The following PCDHGB1 variants were observed in gnomAD, a reference collection of about 807,000 sequenced individuals.
PCDHGB1 encodes protocadherin gamma subfamily B, 1, also known as protocadherin gamma-B1.
A neutral mutation model predicts 56.6 loss-of-function variants in PCDHGB1; 34 were observed. The observed-to-expected ratio is 0.60, with a 90% CI of 0.46 to 0.80. The LOEUF (loss-of-function observed/expected upper bound fraction) is 0.80, where lower values mean the gene tolerates loss of function less well. Among genes scored for constraint, PCDHGB1 ranks in the 30% least tolerant of loss-of-function variants. The pLI is 0.00. For synonymous variants in PCDHGB1, 561 were observed against 505.9 expected, an observed-to-expected ratio of 1.11 and a Z score of -1.46; for missense variants, 1,278 against 1,204.6, an observed-to-expected ratio of 1.06 and a Z score of -0.90.
At chr5:141,368,563 T>C (rs1228765550) in intron 1 of PCDHGB1, among the ~76,000 whole-genome samples, 1 of 152,184 alleles carries the variant, frequency 6.6e-6, no homozygotes, top group Non-Finnish European at 1.5e-5. Context: ...GAAAATGTTA[T>C]ATGCTTCTTA....
intron 1 of PCDHGB1, among the ~76,000 whole-genome samples, chr5:141,443,560 G>A (rs2098394386): frequency 6.6e-6 from 1 of 152,162 alleles, no homozygotes; most frequent in Non-Finnish European, 1.5e-5. Context: ...CAATTCAAAT[G>A]CTTTAAATGG....
chr5:141,395,589 T>C (rs1254958503), intron 1 of PCDHGB1: 2 of 194,644 alleles, frequency 1.0e-5, no homozygotes, highest in Admixed American at 1.2e-4. Context: ...TGTGTGTGTG[T>C]GTATCCCAAA....
intron 1 of PCDHGB1, chr5:141,355,856 A>G: frequency 2.5e-6 from 4 of 1,612,380 alleles, no homozygotes; most frequent in Non-Finnish European, 2.5e-6. Flanking sequence ...GATGGAGGTG[A>G]CCCGGTTCGC....
At chr5:141,420,634 G>A (rs891111955) in intron 1 of PCDHGB1, among the ~76,000 whole-genome samples, 2 of 152,080 alleles carry the variant, frequency 1.3e-5, no homozygotes, top group African/African-American at 4.8e-5. Context: ...CTCAATAAAG[G>A]AACCTTGTAA....
chr5:141,487,004 C>G lies in PCDHGB1; in HGVS notation c.2410-7803C>G. 1 of 1,614,224 alleles carries G rather than the reference C, an allele frequency of 6.2e-7. No homozygotes were observed. The highest frequency in any genetic ancestry group is 1.1e-5 in the South Asian group (1 of 91,086). On this transcript the variant is annotated intron_variant, in intron 1 of 3. Transcript: ENST00000523390. This position sits in a 1 kb window ranked among gnomAD's most constrained non-coding sequence, Gnocchi z 5.0. ...CAATGCTTGGGTTTCCTATCAGCTC[C>G]TGGAGGCCCCAGATCCCAGCCTGTT...
chr5:141,408,082 G>A, intron 1 of PCDHGB1: 1 of 1,417,366 alleles, frequency 7.1e-7, no homozygotes, highest in Non-Finnish European at 9.3e-7. Context: ...TCCCAGCACA[G>A]CGGATTGCCA....
intron 1 of PCDHGB1, chr5:141,389,438 C>T (rs781427097): frequency 6.2e-7 from 1 of 1,610,592 alleles, no homozygotes; most frequent in South Asian, 1.1e-5. Flanking sequence ...AGCGCGCCTT[C>T]GACCACGAGC....
intron 1 of PCDHGB1, chr5:141,408,641 T>G: frequency 6.2e-7 from 1 of 1,614,034 alleles, no homozygotes; most frequent in Non-Finnish European, 8.5e-7. Context: ...CGAATCTGCA[T>G]CCGCTGGTAC....
chr5:141,352,144 G>A lies in PCDHGB1; in HGVS notation c.1884G>A (p.Leu628=). 1 of 1,612,258 alleles carries A rather than the reference G, an allele frequency of 6.2e-7. No individual in the cohort carries two copies. Among genetic ancestry groups the A allele is most frequent in the East Asian group, 2.2e-5 (1 of 44,852 alleles). The part of the protein sequence containing the change: ...RTGEVRTARA[L]GDRDAARQRL... ...GTGAGGTGCGCACAGCGCGTGCCTT[G>A]GGCGACAGGGACGCGGCCCGCCAGC... The change falls in exon 1 of 4, where the codon TTG becomes TTA. Residue 628 remains leucine, a synonymous_variant. Transcript: ENST00000523390.
Position 141,491,755 on chromosome 5 carries a change from G to T in PCDHGB1, c.2410-3052G>T, listed in dbSNP as rs1402188587. 3 of 1,582,078 alleles carry T rather than the reference G, an allele frequency of 1.9e-6. No individual in the cohort carries two copies. Among genetic ancestry groups the T allele is most frequent in the Non-Finnish European group, 2.6e-6 (3 of 1,165,458 alleles). On this transcript the variant is annotated intron_variant, in intron 1 of 3. Coordinates refer to ENST00000523390, the MANE Select transcript of PCDHGB1 (RefSeq NM_018922.3). This position sits in a 1 kb window ranked among gnomAD's most constrained non-coding sequence, Gnocchi z 6.9. ...CCCTGGGGGCGGCACTGGAGAAGCC[G>T]CCCGTCCTCATAAGGGATTGAACTT...
intron 1 of PCDHGB1, among the ~76,000 whole-genome samples, chr5:141,457,900 A>C (rs2098931922): frequency 6.7e-6 from 1 of 149,818 alleles, no homozygotes; most frequent in Admixed American, 6.6e-5. Context: ...CTGTGTAGAC[A>C]AGGTGTGAGG....
At chr5:141,500,012 A>G (rs2099795840) in intron 2 of PCDHGB1, among the ~76,000 whole-genome samples, 1 of 151,622 alleles carries the variant, frequency 6.6e-6, no homozygotes, top group Non-Finnish European at 1.5e-5. Flanking sequence ...TAAGGTCCAC[A>G]TTTTATATTT....
intron 1 of PCDHGB1, among the ~76,000 whole-genome samples, chr5:141,368,336 T>C (rs1395637644): frequency 6.6e-6 from 1 of 152,126 alleles, no homozygotes; most frequent in Non-Finnish European, 1.5e-5. Flanking sequence ...TCTATATCTA[T>C]ATACATATAC....
intron 1 of PCDHGB1, chr5:141,412,918 G>T: frequency 2.4e-6 from 1 of 414,220 alleles, no homozygotes; most frequent in Non-Finnish European, 4.2e-6. Flanking sequence ...TATCACTTGG[G>T]TGCAGTAACT....
At chr5:141,392,901 C>G in intron 1 of PCDHGB1, 1 of 1,613,832 alleles carries the variant, frequency 6.2e-7, no homozygotes, top group Non-Finnish European at 8.5e-7. Context: ...CGGGAGGGGA[C>G]AGATTCGCTA....
At position 141,372,042 on chromosome 5, in the gene PCDHGB1, G is replaced by A. The variant is rs373749332; in HGVS notation, c.2409+19373G>A. The A allele has an allele frequency of 5.0e-6, 8 of 1,613,478 alleles. No individual in the cohort carries two copies. The East Asian group carries it at 1.3e-4, about 27-fold the overall frequency. The stretch of plus-strand genomic sequence containing the variant: ...GCTCAGCGCCAACGTGAGCCTGCGC[G>A]TGTTGGTGGACGACCGCAACGACAA... On this transcript the variant is annotated intron_variant, in intron 1 of 3. Transcript: ENST00000523390.
intron 1 of PCDHGB1, chr5:141,362,674 A>G (rs774822554): frequency 5.1e-5 from 63 of 1,246,738 alleles, no homozygotes; most frequent in Non-Finnish European, 5.8e-5. Context: ...TTGTGCCTTA[A>G]TTGTCTTAAT....
chr5:141,486,138 C>T lies in PCDHGB1; in HGVS notation c.2410-8669C>T. On this transcript the variant is annotated intron_variant, in intron 1 of 3. Transcript: ENST00000523390. This position sits in a 1 kb window ranked among gnomAD's most constrained non-coding sequence, Gnocchi z 5.0. ...AATTACTATGAATTTGATGTGCGGG[C>T]TCGCGATGGGGGTTCTCCAGCCATG... The T allele has an allele frequency of 6.2e-7, 1 of 1,614,212 alleles. No individual in the cohort carries two copies. The highest frequency in any genetic ancestry group is 1.3e-5 in the African/African-American group (1 of 75,052).
chr5:141,475,947 C>A, intron 1 of PCDHGB1: 1 of 748,120 alleles, frequency 1.3e-6, no homozygotes, highest in Non-Finnish European at 2.1e-6. Context: ...CGTCCCCTTT[C>A]TGCGCCCCGG....
Sources: gnomAD v4.1 joint callset for allele counts (sites outside exome capture counted in the v4.1 genomes callset) on GRCh38, gnomAD v4.1.1 for gene constraint, Gnocchi (gnomAD v3.1) non-coding constraint, MANE v1.5 for transcripts, NCBI Gene and HGNC (gene_info 2026-07-23, HGNC 2026-07-21) for gene names.